SPOCK1: variants seen among roughly 807,000 people sequenced by gnomAD.
SPOCK1 encodes testican-1.
A neutral mutation model predicts 55.3 loss-of-function variants in SPOCK1; 23 were observed. The observed-to-expected ratio is 0.42, with a 90% confidence interval of 0.30 to 0.59. SPOCK1 has a LOEUF of 0.59. SPOCK1 is among the 20% of genes least tolerant of loss of function. SPOCK1 has a pLI of 0.22. For synonymous variants in SPOCK1, 226 were observed against 221.0 expected, an observed-to-expected ratio of 1.02 and a Z score of -0.20; for missense variants, 499 against 552.5, an observed-to-expected ratio of 0.90 and a Z score of 0.97.
intron 2 of SPOCK1, among the ~76,000 whole-genome samples, chr5:137,384,967 G>A (rs778072947): frequency 2.0e-5 from 3 of 151,960 alleles, no homozygotes; most frequent in South Asian, 2.1e-4. Flanking sequence ...TGGGGGGGGC[G>A]GTGCATAATT....
chr5:137,355,053 C>T (rs549801319), intron 2 of SPOCK1, among the ~76,000 whole-genome samples: 2 of 152,150 alleles, frequency 1.3e-5, no homozygotes, highest in South Asian at 4.2e-4. Context: ...CAGGCAAGCA[C>T]CACCATGCCT....
intron 5 of SPOCK1, among the ~76,000 whole-genome samples, chr5:137,090,049 G>T (rs1753026218): frequency 6.6e-6 from 1 of 152,158 alleles, no homozygotes; most frequent in Non-Finnish European, 1.5e-5. Flanking sequence ...TGCTGATTTG[G>T]TTGGGACTAC....
intron 2 of SPOCK1, among the ~76,000 whole-genome samples, chr5:137,287,410 G>A (rs1465389462): frequency 6.6e-6 from 1 of 152,180 alleles, no homozygotes; most frequent in East Asian, 1.9e-4. Context: ...TCCTTGCAGT[G>A]ACAATGCTGG....
intron 3 of SPOCK1, among the ~76,000 whole-genome samples, chr5:137,266,302 G>A (rs1756849744): frequency 6.6e-6 from 1 of 152,200 alleles, no homozygotes; most frequent in Non-Finnish European, 1.5e-5. Context: ...AACATATGAA[G>A]TGCAATCTAC....
chr5:137,023,854 G>T (rs1751618191), intron 6 of SPOCK1, among the ~76,000 whole-genome samples: 1 of 151,522 alleles, frequency 6.6e-6, no homozygotes, highest in African/African-American at 2.4e-5. Flanking sequence ...AGTATCATTA[G>T]CAAGAACTGC....
At chr5:137,267,659 G>A (rs1302121824) in intron 2 of SPOCK1, among the ~76,000 whole-genome samples, 20 of 152,190 alleles carry the variant, frequency 1.3e-4, no homozygotes, top group Non-Finnish European at 1.8e-4. Context: ...TCCTGCATTT[G>A]GGTTGCATCA....
At chr5:137,443,381 C>T (rs79478526) in intron 2 of SPOCK1, among the ~76,000 whole-genome samples, 1 of 152,276 alleles carries the variant, frequency 6.6e-6, no homozygotes, top group East Asian at 1.9e-4. Flanking sequence ...CTTGCCTTTT[C>T]CTTAAACACT....
intron 2 of SPOCK1, among the ~76,000 whole-genome samples, chr5:137,316,533 C>T (rs1316599616): frequency 6.6e-6 from 1 of 152,178 alleles, no homozygotes; most frequent in Non-Finnish European, 1.5e-5. Flanking sequence ...CCAGTTGAAT[C>T]CCCTCTCTGC....
At chr5:137,319,674 G>A (rs913010466) in intron 2 of SPOCK1, among the ~76,000 whole-genome samples, 3 of 152,136 alleles carry the variant, frequency 2.0e-5, no homozygotes, top group Non-Finnish European at 4.4e-5. Flanking sequence ...GGCCGGGCGC[G>A]GTGGCTCACG....
At chr5:137,088,776 G>A (rs1163005051) in intron 5 of SPOCK1, among the ~76,000 whole-genome samples, 2 of 152,116 alleles carry the variant, frequency 1.3e-5, no homozygotes, top group African/African-American at 4.8e-5. Flanking sequence ...CCATGGCAAG[G>A]GAACTTAAGT....
chr5:137,054,089 T>C (rs1322770226), intron 6 of SPOCK1, among the ~76,000 whole-genome samples: 1 of 151,916 alleles, frequency 6.6e-6, no homozygotes, highest in Non-Finnish European at 1.5e-5. Context: ...GCACACACAT[T>C]AAAAAAGGAA....
At chr5:137,463,307 C>T (rs1753527355) in intron 2 of SPOCK1, among the ~76,000 whole-genome samples, 1 of 152,168 alleles carries the variant, frequency 6.6e-6, no homozygotes, top group African/African-American at 2.4e-5. Flanking sequence ...TACATATACA[C>T]AATGGAGTCC....
At chr5:137,148,529 T>C (rs913040162) in intron 3 of SPOCK1, among the ~76,000 whole-genome samples, 25 of 152,120 alleles carry the variant, frequency 1.6e-4, no homozygotes, top group African/African-American at 4.6e-4. Context: ...ATCAAGAAAT[T>C]GATTTCCCTT....
chr5:137,159,868 T>A (rs886264372), intron 3 of SPOCK1, among the ~76,000 whole-genome samples: 3 of 152,170 alleles, frequency 2.0e-5, no homozygotes, highest in Non-Finnish European at 4.4e-5. Flanking sequence ...TCCCTTGAAG[T>A]CATTTATTTT....
chr5:137,376,971 G>A (rs938234126), intron 2 of SPOCK1, among the ~76,000 whole-genome samples: 17 of 152,080 alleles, frequency 1.1e-4, no homozygotes, highest in African/African-American at 4.1e-4. Flanking sequence ...ATGGCACTTC[G>A]CTTCCTAACT....
At chr5:137,011,372 G>A (rs953724031) in intron 6 of SPOCK1, among the ~76,000 whole-genome samples, 3 of 152,140 alleles carry the variant, frequency 2.0e-5, no homozygotes, top group Middle Eastern at 6.8e-3. Flanking sequence ...GTGGTATTAC[G>A]GCATCTCTAA....
chr5:137,239,640 G>C (rs748338059), intron 3 of SPOCK1, among the ~76,000 whole-genome samples: 1 of 152,042 alleles, frequency 6.6e-6, no homozygotes, highest in Non-Finnish European at 1.5e-5. Context: ...ACCAGTTAAT[G>C]TCCACAGAGA....
At chr5:137,269,657 C>T (rs948291463) in intron 2 of SPOCK1, among the ~76,000 whole-genome samples, 5 of 152,206 alleles carry the variant, frequency 3.3e-5, no homozygotes, top group Admixed American at 2.6e-4. Context: ...AATTAAGTCA[C>T]TCTGTGTCTG....
At chr5:137,270,279 A>G in intron 2 of SPOCK1, among the ~76,000 whole-genome samples, 1 of 152,236 alleles carries the variant, frequency 6.6e-6, no homozygotes, top group East Asian at 1.9e-4. Context: ...TCTAATGATA[A>G]AGCTTTTTTA....
Sources: gnomAD v4.1 joint callset for allele counts (sites outside exome capture counted in the v4.1 genomes callset) on GRCh38, gnomAD v4.1.1 for gene constraint, MANE v1.5 for transcripts, NCBI Gene and HGNC (gene_info 2026-07-23, HGNC 2026-07-21) for gene names.